RLF: variants seen among roughly 807,000 people sequenced by gnomAD.
RLF encodes the protein zinc finger protein Rlf.
Under a neutral mutation model 162.9 loss-of-function variants are expected in RLF, and 7 were observed. The ratio of observed to expected loss-of-function variants is 0.04; its 90% CI spans 0.02 to 0.08. The LOEUF (loss-of-function observed/expected upper bound fraction) is 0.08. Ranked by LOEUF, RLF falls within the 10% of genes least tolerant of loss-of-function variation. RLF has a pLI of 1.00. For missense variants in RLF, 1,664 were observed against 2,244.7 expected, an observed-to-expected ratio of 0.74 and a Z score of 5.23; for synonymous variants, 782 against 791.5, an observed-to-expected ratio of 0.99 and a Z score of 0.20.
intron 4 of RLF, 107 bp from the exon 5 acceptor site, chr1:40,202,305 T>C (rs1471441889): frequency 6.9e-6 from 5 of 722,282 alleles, no homozygotes; most frequent in Non-Finnish European, 1.1e-5. Context: ...ATAAACTAAA[T>C]TTTTATTAAC....
intron 3 of RLF, among the ~76,000 whole-genome samples, chr1:40,192,964 A>ATACATGCTTGGTT (rs1336863617): frequency 1.3e-5 from 2 of 152,108 alleles, no homozygotes; most frequent in African/African-American, 4.8e-5. Context: ...TTTTTACATA[A>ATACATGCTTGGTT]TAATCATGGA....
chr1:40,238,608 T>G lies in RLF; in HGVS notation c.3906T>G (p.Ile1302Met), dbSNP rs1643248909. 6.2e-7 allele frequency: 1 copy of G among 1,613,478 alleles called. No individual in the cohort carries two copies. The highest frequency in any genetic ancestry group is 1.1e-5 in the South Asian group (1 of 91,032). ...TTGCTAAAGGAAATCTGTGTTATATTTTGAATAAATACCACAAACCATTCC... is the reference window on the plus strand; with the variant it reads ...TTGCTAAAGGAAATCTGTGTTATATGTTGAATAAATACCACAAACCATTCC... Reference protein sequence around the residue: ...RTVAKGNLCYILNKYHKPFHC... With the variant: ...RTVAKGNLCYMLNKYHKPFHC... The change falls in exon 8 of 8, where the codon ATT becomes ATG. Residue 1302 changes from isoleucine to methionine, a missense_variant. This residue lies in a region of RLF where 33 missense variants were observed against 73.3 expected (regional missense o/e 0.45). Coordinates refer to ENST00000372771, the MANE Select transcript of RLF (RefSeq NM_012421.4). The surrounding 1 kb of genome is among the most constrained non-coding windows in gnomAD (Gnocchi z 5.2).
chr1:40,225,647 C>T (rs1279310660), intron 6 of RLF, among the ~76,000 whole-genome samples: 5 of 149,570 alleles, frequency 3.3e-5, no homozygotes, highest in East Asian at 2.0e-4. Flanking sequence ...GAGGCCGAGA[C>T]GGGCAGATCA....
rs199995163 is a variant in RLF, at chr1:40,240,400, T to G, written c.5698T>G (p.Leu1900Val). The change falls in exon 8 of 8, where the codon TTA becomes GTA. Residue 1900 changes from leucine to valine, a missense_variant. By Grantham distance (32) the Leu-to-Val change is conservative (BLOSUM62 1). Transcript: ENST00000372771. ...RSKFSTPILD[L>V]FPTKKTDELC... ...TAAGTTTTCCACACCAATTTTAGAC[T>G]TATTTCCAACAAAAAAGACAGATGA... 6.2e-7 allele frequency: 1 copy of G among 1,613,816 alleles called. No homozygotes were observed. Among genetic ancestry groups the G allele is most frequent in the African/African-American group, 1.3e-5 (1 of 75,016 alleles).
At chr1:40,217,543 G>A (rs1029119033) in intron 5 of RLF, among the ~76,000 whole-genome samples, 1 of 152,032 alleles carries the variant, frequency 6.6e-6, no homozygotes, top group Non-Finnish European at 1.5e-5. Flanking sequence ...AAGCCGAGGC[G>A]AGCAGATTGC....
chr1:40,236,176 G>T lies in RLF; in HGVS notation c.1474G>T (p.Asp492Tyr). The change falls in exon 8 of 8, where the codon GAT becomes TAT. Residue 492 changes from aspartate to tyrosine, a missense_variant. Physicochemically the swap from Asp to Tyr is radical, Grantham distance 160. Coordinates refer to ENST00000372771, the MANE Select transcript of RLF (RefSeq NM_012421.4). This position sits in a 1 kb window ranked among gnomAD's most constrained non-coding sequence, Gnocchi z 7.7. ...LLGQEASDSD[D>Y]DLSGYEMSIN... ...AGGACAAGAAGCCTCAGATTCTGATGATGATTTAAGTGGCTATGAAATGTC... is the reference window on the plus strand; with the variant it reads ...AGGACAAGAAGCCTCAGATTCTGATTATGATTTAAGTGGCTATGAAATGTC... 1 of 1,613,650 alleles carries T rather than the reference G, an allele frequency of 6.2e-7. No homozygotes were observed.
rs750593859 is a variant in RLF at position 40,174,265 on chromosome 1, G to A, written c.237+12629G>A. 4.6e-4 allele frequency among the ~76,000 whole-genome samples: 70 copies of A among 152,124 alleles called. 1 individual carries two copies. The highest frequency in any genetic ancestry group is 7.9e-4 in the Non-Finnish European group (54 of 68,020). On this transcript the variant is annotated intron_variant, in intron 1 of 7. Coordinates refer to ENST00000372771, the MANE Select transcript of RLF (RefSeq NM_012421.4). ...AGGCGCCTGTAATCCCAGCTACTCG[G>A]GAGGCTGAGGCAGGAGAATCGCTTG...
chr1:40,225,515 G>A (rs1557757936), intron 6 of RLF, among the ~76,000 whole-genome samples: 1 of 148,280 alleles, frequency 6.7e-6, no homozygotes, highest in Admixed American at 6.7e-5. Context: ...GGAGGCAGAG[G>A]TTGCAGCGAG....
Position 40,238,327 on chromosome 1 carries a change from A to G in RLF, c.3625A>G (p.Asn1209Asp), listed in dbSNP as rs1445615029. The G allele has an allele frequency of 6.2e-7, 1 of 1,614,156 alleles. No homozygotes were observed. Among genetic ancestry groups the G allele is most frequent in the African/African-American group, 1.3e-5 (1 of 75,034 alleles). Residue 1209 changes from asparagine (N) to aspartate (D), a missense_variant, in exon 8 of 8, where the codon AAT becomes GAT. Physicochemically the swap from Asn to Asp is conservative, Grantham distance 23. This residue lies in a region of RLF where 102 missense variants were observed against 109.5 expected (regional missense o/e 0.93). Coordinates refer to ENST00000372771, the MANE Select transcript of RLF (RefSeq NM_012421.4). This position sits in a 1 kb window ranked among gnomAD's most constrained non-coding sequence, Gnocchi z 5.2. The part of the protein sequence containing the change: ...SDRATHKLLD[N>D]EKCDHEGPCS... ...CAGAGCAACTCACAAACTATTAGAT[A>G]ATGAAAAGTGTGATCATGAAGGCCC...
In RLF at chr1:40,237,842, C is replaced by T; in HGVS notation, c.3140C>T (p.Ser1047Phe). 15 of 1,614,080 alleles carry T rather than the reference C, an allele frequency of 9.3e-6. No homozygotes were observed. Among genetic ancestry groups the T allele is most frequent in the Non-Finnish European group, 1.3e-5 (15 of 1,179,996 alleles). Residue 1047 changes from serine to phenylalanine, a missense_variant, in exon 8 of 8, where the codon TCC becomes TTC. Physicochemically the swap from Ser to Phe is radical, Grantham distance 155. This residue lies in a region of RLF where 295 missense variants were observed against 317.4 expected (regional missense o/e 0.93). Coordinates refer to ENST00000372771, the MANE Select transcript of RLF (RefSeq NM_012421.4). This position sits in a 1 kb window ranked among gnomAD's most constrained non-coding sequence, Gnocchi z 4.4. ...CATCAAGGTTATTCCTCAGAATCCT[C>T]CATTTGTGCTTCTAAAAGGCCCTGT... is the stretch of plus-strand genomic sequence containing the variant. ...REHQGYSSES[S>F]ICASKRPCTE...
chr1:40,231,435 G>C (rs1336587620), intron 6 of RLF, 82 bp from the exon 7 acceptor site: 1 of 1,261,576 alleles, frequency 7.9e-7, no homozygotes, highest in Non-Finnish European at 1.1e-6. Context: ...GCTTTCTACA[G>C]ATCAAAAAAT....
At chr1:40,230,293 A>G (rs1643136490) in intron 6 of RLF, among the ~76,000 whole-genome samples, 1 of 152,196 alleles carries the variant, frequency 6.6e-6, no homozygotes, top group African/African-American at 2.4e-5. Flanking sequence ...GCAATATAGG[A>G]TATCAGTGTT....
intron 5 of RLF, among the ~76,000 whole-genome samples, chr1:40,220,968 A>AT (rs1642985238): frequency 6.7e-6 from 1 of 149,132 alleles, no homozygotes; most frequent in Non-Finnish European, 1.5e-5. Flanking sequence ...CTCTACAAAA[A>AT]TTAAAAAAAA....
At chr1:40,194,819 T>G (rs1355367369) in intron 3 of RLF, among the ~76,000 whole-genome samples, 2 of 123,274 alleles carry the variant, frequency 1.6e-5, no homozygotes, top group African/African-American at 3.9e-5. Context: ...TATTTATTTA[T>G]TTATTTATTT....
At chr1:40,202,710 A>G in intron 5 of RLF, 96 bp downstream of exon 5, 1 of 750,490 alleles carries the variant, frequency 1.3e-6, no homozygotes, top group East Asian at 3.3e-5. Context: ...AATGAAAACC[A>G]AGATTCATTT....
At chr1:40,208,620 G>A (rs572834135) in intron 5 of RLF, among the ~76,000 whole-genome samples, 1 of 152,076 alleles carries the variant, frequency 6.6e-6, no homozygotes, top group Non-Finnish European at 1.5e-5. Flanking sequence ...TTCAAGACCA[G>A]CCTGGGCAAC....
intron 1 of RLF, among the ~76,000 whole-genome samples, chr1:40,169,237 G>A (rs1362822001): frequency 6.6e-6 from 1 of 152,110 alleles, no homozygotes; most frequent in African/African-American, 2.4e-5. Flanking sequence ...GTGGTGGTGA[G>A]TTCTTTAGAC....
intron 5 of RLF, among the ~76,000 whole-genome samples, chr1:40,205,599 C>T (rs972980540): frequency 1.3e-5 from 2 of 150,514 alleles, no homozygotes; most frequent in Admixed American, 6.6e-5. Flanking sequence ...ACGCCATTCT[C>T]CTGCCTCAGC....
rs550221152 is a variant in RLF, at chr1:40,171,913, A to G, written c.237+10277A>G. Among the ~76,000 whole-genome samples, 5 of 152,274 alleles carry G rather than the reference A, an allele frequency of 3.3e-5. No individual in the cohort carries two copies. In the South Asian group the frequency reaches 1.0e-3, roughly 32 times the overall value. On this transcript the variant is annotated intron_variant, in intron 1 of 7. Transcript: ENST00000372771. ...TTTTCCTAGGTAGACCATTGTTAAC[A>G]GTTTAGGAATGCATATCTATAGAAT...
Sources: allele counts gnomAD v4.1 joint callset (sites outside exome capture counted in the v4.1 genomes callset), GRCh38; gene constraint gnomAD v4.1.1; regional missense constraint gnomAD v4.1.1; non-coding constraint Gnocchi (gnomAD v3.1); transcripts MANE v1.5; gene names NCBI Gene and HGNC (gene_info 2026-07-23, HGNC 2026-07-21).